The following GABRD variants were observed in gnomAD, a reference collection of about 807,000 sequenced individuals.
GABRD encodes gamma-aminobutyric acid type A receptor subunit delta.
GABRD carries 25 observed loss-of-function variants against 47.3 expected under a neutral mutation model. That is an observed-to-expected ratio of 0.53 (90% CI 0.39 to 0.74). The LOEUF is 0.74. GABRD is among the 30% of genes least tolerant of loss of function. The pLI is 0.00. For synonymous variants in GABRD, 314 were observed against 278.8 expected (o/e 1.13, Z -1.26); for missense variants, 497 against 643.4 (o/e 0.77, Z 2.46).
rs755330547 is a variant in GABRD, at chr1:2,025,014, G to A, written c.141G>A (p.Leu47=). ...EISWLPNLDG[L]IAGYARNFRP... is the part of the protein sequence containing the mutation. ...CCTGGCTCCCCAACCTGGACGGGCT[G>A]ATAGCCGGCTACGCCCGCAACTTCC... is the stretch of plus-strand genomic sequence containing the variant. The change falls in exon 2 of 9, where the codon CTG becomes CTA. Residue 47 remains leucine, a synonymous_variant. Coordinates refer to ENST00000378585, the MANE Select transcript of GABRD (RefSeq NM_000815.5). 5 of 1,612,784 alleles carry A rather than the reference G, an allele frequency of 3.1e-6. No individual in the cohort carries two copies. In the African/African-American group the frequency reaches 4.0e-5, roughly 13 times the overall value.
chr1:2,026,973 G>GGA, intron 4 of GABRD: 1 of 166,062 alleles, frequency 6.0e-6, no homozygotes, highest in Non-Finnish European at 1.3e-5. Flanking sequence ...GGGCAACATA[G>GGA]GGAGATCCTG....
chr1:2,019,447 G>A lies in GABRD; in HGVS notation c.24G>A (p.Leu8=). 9.1e-7 allele frequency: 1 copy of A among 1,104,130 alleles called. No homozygotes were observed. The allele number at this position is 1,104,130 out of a possible 1,614,324, so 68.4% of individuals were successfully genotyped here. The change falls in exon 1 of 9, where the codon CTG becomes CTA. Residue 8 remains leucine, a synonymous_variant. Coordinates refer to ENST00000378585, the MANE Select transcript of GABRD (RefSeq NM_000815.5). ...CCATGGACGCGCCCGCCCGGCTGCT[G>A]GCCCCGCTCCTGCTCCTCTGCGCGC... MDAPARL[L]APLLLLCAQQ...
chr1:2,028,331 GC>G lies in GABRD; in HGVS notation c.691+43del. 6.4e-7 allele frequency: 1 copy of G among 1,573,628 alleles called. No homozygotes were observed. Among genetic ancestry groups the G allele is most frequent in the Non-Finnish European group, 8.6e-7 (1 of 1,157,570 alleles). On this transcript the variant is annotated intron_variant, in intron 6 of 8. Coordinates refer to ENST00000378585, the MANE Select transcript of GABRD (RefSeq NM_000815.5). The surrounding 1 kb of genome is among the most constrained non-coding windows in gnomAD (Gnocchi z 6.4). ...GCCGCCCCTTCCGCATGTGCCCGCC[GC>G]CCCTTCCGCGCGCGCCCACCGCCCC...
At chr1:2,021,985 G>T (rs180721359) in intron 1 of GABRD, among the ~76,000 whole-genome samples, 1 of 152,148 alleles carries the variant, frequency 6.6e-6, no homozygotes, top group South Asian at 2.1e-4. Flanking sequence ...CCACCCGAGG[G>T]GGAAGCTGCC....
chr1:2,030,143 C>T lies in GABRD; in HGVS notation c.1220C>T (p.Ala407Val). The change falls in exon 9 of 9, where the codon GCC becomes GTC. Residue 407 changes from alanine to valine, a missense_variant. Coordinates refer to ENST00000378585, the MANE Select transcript of GABRD (RefSeq NM_000815.5). ...ETGETKKEGA[A>V]RSGGQGGIRA... ...GGGGAGACGAAGAAGGAGGGGGCAG[C>T]CCGCTCAGGAGGCCAGGGGGGCATC... 1.3e-6 allele frequency: 2 copies of T among 1,578,002 alleles called. No homozygotes were observed. Among genetic ancestry groups the T allele is most frequent in the South Asian group, 1.2e-5 (1 of 86,334 alleles).
intron 1 of GABRD, among the ~76,000 whole-genome samples, chr1:2,019,855 C>T (rs1229313048): frequency 6.6e-6 from 1 of 152,196 alleles, no homozygotes; most frequent in Non-Finnish European, 1.5e-5. Flanking sequence ...CCGGCGGGTG[C>T]CTTGAGGAGA....
At position 2,030,069 on chromosome 1, in the gene GABRD, C is replaced by T. The variant is rs374718450; in HGVS notation, c.1146C>T (p.Arg382=). The change falls in exon 9 of 9, where the codon CGC becomes CGT. Residue 382 remains arginine (R), a synonymous_variant. Coordinates refer to ENST00000378585, the MANE Select transcript of GABRD (RefSeq NM_000815.5). ...QELAISRRQR[R]VPGNLMGSYR... ...TGGCCATCTCCCGCCGGCAGCGCCG[C>T]GTCCCGGGGAACCTGATGGGCTCCT... is the stretch of plus-strand genomic sequence containing the variant. The T allele has an allele frequency of 3.4e-5, 55 of 1,609,374 alleles. No individual in the cohort carries two copies. The highest frequency in any genetic ancestry group is 1.6e-4 in the East Asian group (7 of 44,872).
intron 1 of GABRD, among the ~76,000 whole-genome samples, chr1:2,023,121 A>C (rs1353204215): frequency 3.9e-5 from 6 of 152,076 alleles, no homozygotes; most frequent in African/African-American, 1.4e-4. Context: ...ACCTCCCAGC[A>C]TCCTTCCCAG....
In GABRD at chr1:2,025,575, A is replaced by C. The variant is rs755819827; in HGVS notation, c.307A>C (p.Asn103His). ...QSWRDSRLSY[N>H]HTNETLGLDS... is the part of the protein sequence containing the mutation. ...CTGGCGGGACAGCAGGCTCTCCTAC[A>C]ACCACACCAACGAGACCCTGGGTCT... The change falls in exon 4 of 9, where the codon AAC becomes CAC. Residue 103 changes from asparagine to histidine, a missense_variant. Physicochemically the swap from Asn to His is moderately conservative, Grantham distance 68. Around this residue, in one of 3 missense-constraint regions of GABRD, gnomAD observed 285 missense variants for 436.6 expected, o/e 0.65. Transcript: ENST00000378585. 1 of 1,613,052 alleles carries C rather than the reference A, an allele frequency of 6.2e-7. No individual in the cohort carries two copies.
intron 5 of GABRD, 137 bp downstream of exon 5, chr1:2,027,796 C>A: frequency 2.4e-6 from 2 of 817,934 alleles, no homozygotes; most frequent in Non-Finnish European, 4.1e-6. Context: ...TGCAAGAAGC[C>A]TGGGCAGGAG....
rs898439383 is a variant in GABRD, at chr1:2,028,776, C to T, written c.692-335C>T. 3.9e-5 allele frequency: 14 copies of T among 358,606 alleles called. No individual in the cohort carries two copies. Among genetic ancestry groups the T allele is most frequent in the Non-Finnish European group, 6.1e-5 (12 of 196,854 alleles). 22.2% of individuals were successfully genotyped at this position (358,606 alleles called of 1,614,324 possible). On this transcript the variant is annotated intron_variant, in intron 6 of 8. Transcript: ENST00000378585. This position sits in a 1 kb window ranked among gnomAD's most constrained non-coding sequence, Gnocchi z 6.4. The stretch of plus-strand genomic sequence containing the variant: ...TGGCTCCTTCCAGAGCCTGGCTGTG[C>T]CCGCAGGAGTGTTAGGAGAGAAAGG...
rs764066786 is a variant in GABRD at position 2,030,074 on chromosome 1, C to T, written c.1151C>T (p.Pro384Leu). Residue 384 changes from proline to leucine, a missense_variant, in exon 9 of 9, where the codon CCG (proline) becomes CTG (leucine). Around this residue, in one of 3 missense-constraint regions of GABRD, gnomAD observed 121 missense variants for 121.3 expected, o/e 1.00. Coordinates refer to ENST00000378585, the MANE Select transcript of GABRD (RefSeq NM_000815.5). The stretch of plus-strand genomic sequence containing the variant: ...ATCTCCCGCCGGCAGCGCCGCGTCC[C>T]GGGGAACCTGATGGGCTCCTACAGG... ...LAISRRQRRV[P>L]GNLMGSYRSV... 9.9e-6 allele frequency: 16 copies of T among 1,608,638 alleles called. No individual in the cohort carries two copies. Among genetic ancestry groups the T allele is most frequent in the South Asian group, 6.6e-5 (6 of 90,460 alleles).
In GABRD at chr1:2,028,185, A is replaced by G; in HGVS notation, c.584A>G (p.Tyr195Cys). Residue 195 changes from tyrosine (Y) to cysteine (C), a missense_variant, in exon 6 of 9, where the codon TAC (tyrosine) becomes TGC (cysteine). Transcript: ENST00000378585. This position sits in a 1 kb window ranked among gnomAD's most constrained non-coding sequence, Gnocchi z 6.4. ...TACTCATCGGAGGACATCGTCTACT[A>G]CTGGTCGGAGAGCCAGGAGCACATC... ...YGYSSEDIVY[Y>C]WSESQEHIHG... is the part of the protein sequence containing the mutation. 6.2e-7 allele frequency: 1 copy of G among 1,612,290 alleles called. No individual in the cohort carries two copies. The highest frequency in any genetic ancestry group is 8.5e-7 in the Non-Finnish European group (1 of 1,179,714).
intron 1 of GABRD, chr1:2,023,677 G>C (rs567046650): frequency 2.0e-5 from 3 of 152,160 alleles, no homozygotes; most frequent in Non-Finnish European, 4.4e-5. Flanking sequence ...GGCCAGGCTC[G>C]GGCCTGGCGA....
At chr1:2,029,007 G>A in intron 6 of GABRD, 104 bp from the exon 7 acceptor site, 2 of 1,417,600 alleles carry the variant, frequency 1.4e-6, no homozygotes, top group South Asian at 2.5e-5. Context: ...TCTCTCTTCT[G>A]AGCCCTGGTG....
At chr1:2,022,684 G>A (rs964667841) in intron 1 of GABRD, among the ~76,000 whole-genome samples, 2 of 152,242 alleles carry the variant, frequency 1.3e-5, no homozygotes, top group Non-Finnish European at 2.9e-5. Flanking sequence ...TTAATTGGCC[G>A]GGACTTAATT....
chr1:2,019,372 C>T lies in GABRD; in HGVS notation c.-52C>T, dbSNP rs1658712161. ...CTCCCGCCCGCCTGTGCCGCCTGTG[C>T]GGCCGCCGGGAGCCAAGTTTGCGCG... On this transcript the variant is annotated 5_prime_UTR_variant, in exon 1 of 9. Coordinates refer to ENST00000378585, the MANE Select transcript of GABRD (RefSeq NM_000815.5). The T allele has an allele frequency of 3.0e-6, 3 of 986,234 alleles. No homozygotes were observed. The highest frequency in any genetic ancestry group is 3.6e-6 in the Non-Finnish European group (3 of 824,372). The allele number at this position is 986,234 out of a possible 1,614,324, so 61.1% of individuals were successfully genotyped here.
Position 2,025,511 on chromosome 1 carries a change from T to C in GABRD, c.250-7T>C. On this transcript the variant is annotated splice_region_variant and splice_polypyrimidine_tract_variant and intron_variant, in intron 3 of 8. Transcript: ENST00000378585. ...GCTGACCCCCGGCCCCTGTGCCACC[T>C]CCACAGGAGTACACCATGACGGTGT... 2 of 1,612,382 alleles carry C rather than the reference T, an allele frequency of 1.2e-6. No homozygotes were observed. Among genetic ancestry groups the C allele is most frequent in the Non-Finnish European group, 8.5e-7 (1 of 1,179,422 alleles).
chr1:2,030,126 G>A lies in GABRD; in HGVS notation c.1203G>A (p.Thr401=), dbSNP rs1348578642. 1.6e-5 allele frequency: 26 copies of A among 1,581,444 alleles called. No homozygotes were observed. The highest frequency in any genetic ancestry group is 5.7e-5 in the South Asian group (5 of 87,028). The change falls in exon 9 of 9, where the codon ACG becomes ACA. Residue 401 remains threonine (T), a synonymous_variant. Coordinates refer to ENST00000378585, the MANE Select transcript of GABRD (RefSeq NM_000815.5). ...YRSVGVETGE[T]KKEGAARSGG... is the part of the protein sequence containing the mutation. ...CGGTGGGGGTGGAGACAGGGGAGAC[G>A]AAGAAGGAGGGGGCAGCCCGCTCAG... is the stretch of plus-strand genomic sequence containing the variant.
Sources: allele counts gnomAD v4.1 joint callset (sites outside exome capture counted in the v4.1 genomes callset), GRCh38; gene constraint gnomAD v4.1.1; regional missense constraint gnomAD v4.1.1; non-coding constraint Gnocchi (gnomAD v3.1); transcripts MANE v1.5; gene names NCBI Gene and HGNC (gene_info 2026-07-23, HGNC 2026-07-21).